NFIL3: variants seen among roughly 807,000 people sequenced by gnomAD.
NFIL3 encodes the protein nuclear factor interleukin-3-regulated protein.
Under a neutral mutation model 10.0 loss-of-function variants are expected in NFIL3, and 5 were observed. That is an observed-to-expected ratio of 0.50 (90% CI 0.26 to 1.06). The LOEUF is 1.06. Ranked by LOEUF, NFIL3 falls within the 50% of genes least tolerant of loss-of-function variation. NFIL3 has a pLI of 0.13. For missense variants in NFIL3, 436 were observed against 547.6 expected (o/e 0.80, Z 2.03); for synonymous variants, 202 against 206.5 (o/e 0.98, Z 0.19).
At chr9:91,415,291 T>C (rs1833633780) in intron 1 of NFIL3, among the ~76,000 whole-genome samples, 3 of 152,200 alleles carry the variant, frequency 2.0e-5, no homozygotes, top group Non-Finnish European at 2.9e-5. Flanking sequence ...TCATAATTGG[T>C]GCCATTTATT....
At chr9:91,466,483 G>A in the NFIL3 span, among the ~76,000 whole-genome samples, 3 of 152,144 alleles carry the variant, frequency 2.0e-5, no homozygotes, top group African/African-American at 4.8e-5. Context: ...TTATGGATAT[G>A]TATGTTTGTA....
the NFIL3 span, among the ~76,000 whole-genome samples, chr9:91,443,985 G>A: frequency 6.6e-6 from 1 of 152,162 alleles, no homozygotes; most frequent in African/African-American, 2.4e-5. Context: ...CAAGACATGG[G>A]TAATTTTCAG....
the NFIL3 span, among the ~76,000 whole-genome samples, chr9:91,462,407 A>C: frequency 3.3e-5 from 5 of 152,066 alleles, no homozygotes; most frequent in African/African-American, 1.2e-4. Context: ...TTCTATCATA[A>C]ATGGTGTTAG....
chr9:91,455,214 G>A, the NFIL3 span, among the ~76,000 whole-genome samples: 14 of 152,152 alleles, frequency 9.2e-5, no homozygotes, highest in African/African-American at 3.4e-4. Context: ...TTGAGACTAT[G>A]TGAATATATT....
chr9:91,447,178 A>C, the NFIL3 span, among the ~76,000 whole-genome samples: 52 of 152,190 alleles, frequency 3.4e-4, no homozygotes, highest in Non-Finnish European at 1.3e-4. Flanking sequence ...TTTAAAGCTG[A>C]ATAGTATTCC....
upstream of NFIL3, chr9:91,426,958 A>G (rs1833879077): frequency 6.6e-6 from 1 of 152,202 alleles, no homozygotes; most frequent in African/African-American, 2.4e-5. Context: ...GACGTTAGCC[A>G]CACGTGGACT....
chr9:91,417,754 C>A (rs1833684411), intron 1 of NFIL3, among the ~76,000 whole-genome samples: 1 of 152,116 alleles, frequency 6.6e-6, no homozygotes, highest in South Asian at 2.1e-4. Context: ...AAGCAGCTTA[C>A]CCCAAAGTTA....
the NFIL3 span, among the ~76,000 whole-genome samples, chr9:91,436,838 T>A: frequency 6.6e-6 from 1 of 152,206 alleles, no homozygotes; most frequent in Non-Finnish European, 1.5e-5. Context: ...TCATATATAG[T>A]CAGTTACAAT....
intron 1 of NFIL3, among the ~76,000 whole-genome samples, chr9:91,412,216 T>C (rs539019553): frequency 5.8e-4 from 87 of 151,284 alleles, no homozygotes; most frequent in Non-Finnish European, 1.0e-3. Context: ...ACCAAGAGAA[T>C]ATAGTTACAG....
the NFIL3 span, among the ~76,000 whole-genome samples, chr9:91,455,248 C>T: frequency 6.6e-6 from 1 of 152,082 alleles, no homozygotes. Context: ...CTTTTGCTCA[C>T]CAATTTTAGC....
chr9:91,428,788 A>G (rs920763333), upstream of NFIL3, among the ~76,000 whole-genome samples: 2 of 152,262 alleles, frequency 1.3e-5, no homozygotes, highest in African/African-American at 4.8e-5. Context: ...ACAAAAACTG[A>G]AACATGTCTT....
the NFIL3 span, among the ~76,000 whole-genome samples, chr9:91,450,702 G>A: frequency 6.6e-6 from 1 of 152,112 alleles, no homozygotes; most frequent in Non-Finnish European, 1.5e-5. Context: ...AGGGTTTTGT[G>A]TATGTATGTT....
the NFIL3 span, among the ~76,000 whole-genome samples, chr9:91,474,489 C>T: frequency 6.6e-6 from 1 of 152,138 alleles, no homozygotes; most frequent in African/African-American, 2.4e-5. Context: ...TCTATATGCA[C>T]CTTTCTGTCT....
At chr9:91,454,123 A>G in the NFIL3 span, among the ~76,000 whole-genome samples, 1 of 151,274 alleles carries the variant, frequency 6.6e-6, no homozygotes, top group South Asian at 2.1e-4. Flanking sequence ...AGTCCCAGCT[A>G]CTCAGGTGGC....
the NFIL3 span, among the ~76,000 whole-genome samples, chr9:91,429,023 A>G: frequency 6.6e-6 from 1 of 152,252 alleles, no homozygotes; most frequent in African/African-American, 2.4e-5. Flanking sequence ...CTCAGCCAGC[A>G]ACTGGAACAC....
chr9:91,426,267 C>T (rs990845979), upstream of NFIL3: 3 of 152,042 alleles, frequency 2.0e-5, no homozygotes, highest in Admixed American at 6.5e-5. Flanking sequence ...TCTGAGATAC[C>T]AGCTTAGAAA....
the NFIL3 span, among the ~76,000 whole-genome samples, chr9:91,455,402 A>G: frequency 6.6e-6 from 1 of 151,786 alleles, no homozygotes; most frequent in Non-Finnish European, 1.5e-5. Context: ...TTATTTGTTT[A>G]TTTATTTATT....
At position 91,410,306 on chromosome 9, in the gene NFIL3, A is replaced by G. The variant is rs1833520860; in HGVS notation, c.429T>C (p.Asn143=). The part of the protein sequence containing the change: ...AYAQEIQKLS[N]STAVYFQDYQ... ...AATCTTGAAAGTACACAGCTGTAGA[A>G]TTACTGAGTTTCTGAATCTCTTGAG... The change falls in exon 2 of 2, where the codon AAT becomes AAC. Residue 143 remains asparagine (N), a synonymous_variant. Transcript: ENST00000297689. This position sits in a 1 kb window ranked among gnomAD's most constrained non-coding sequence, Gnocchi z 5.7. 6.8e-6 allele frequency: 11 copies of G among 1,614,222 alleles called. No individual in the cohort carries two copies. The highest frequency in any genetic ancestry group is 7.6e-6 in the Non-Finnish European group (9 of 1,180,042).
chr9:91,409,281 A>G lies in NFIL3; in HGVS notation c.*65T>C, dbSNP rs1833489757. ...AGGTCCAGTGAAAATTCAGCATAAT[A>G]CAAAATGGACTGCTCTATTGCAAAT... On this transcript the variant is annotated 3_prime_UTR_variant, in exon 2 of 2. Coordinates refer to ENST00000297689, the MANE Select transcript of NFIL3 (RefSeq NM_005384.3). 1.4e-6 allele frequency: 2 copies of G among 1,454,298 alleles called. No homozygotes were observed. Among genetic ancestry groups the G allele is most frequent in the Admixed American group, 2.4e-5 (1 of 42,458 alleles). 90.1% of individuals were successfully genotyped at this position (1,454,298 alleles called of 1,614,324 possible).
Sources: gnomAD v4.1 joint callset for allele counts (sites outside exome capture counted in the v4.1 genomes callset) on GRCh38, gnomAD v4.1.1 for gene constraint, Gnocchi (gnomAD v3.1) non-coding constraint, MANE v1.5 for transcripts, NCBI Gene and HGNC (gene_info 2026-07-23, HGNC 2026-07-21) for gene names.